Variants in CORO7 observed in about 807,000 individuals in gnomAD.
The protein encoded by CORO7 is coronin 7, also known as coronin-7.
CORO7 carries 107 observed loss-of-function variants against 126.6 expected under a neutral mutation model. That is an observed-to-expected ratio of 0.85 (90% confidence interval 0.72 to 0.99). The LOEUF (loss-of-function observed/expected upper bound fraction) is 0.99, where lower values mean the gene tolerates loss of function less well. Ranked by LOEUF, CORO7 falls within the 50% of genes least tolerant of loss-of-function variation. CORO7 has a pLI of 0.00. For synonymous variants in CORO7, 603 were observed against 536.8 expected, an observed-to-expected ratio of 1.12 and a Z score of -1.70; for missense variants, 1,314 against 1,255.8, an observed-to-expected ratio of 1.05 and a Z score of -0.70.
chr16:4,395,303 G>C lies in CORO7; in HGVS notation c.601C>G (p.Pro201Ala). ...QLRIFDPRTK[P>A]RASQSTQAHE... Reference sequence around the variant, plus strand: ...ACACAACTCACCTGAGAGGCCCGCGGCTTTGTTCTGGGGTCAAAGATCCGC... The same window carrying C: ...ACACAACTCACCTGAGAGGCCCGCGCCTTTGTTCTGGGGTCAAAGATCCGC... The change falls in exon 7 of 28, where the codon CCG becomes GCG. Residue 201 changes from proline to alanine, a missense_variant. Pro to Ala is a conservative substitution (Grantham distance 27). Coordinates refer to ENST00000251166, the MANE Select transcript of CORO7 (RefSeq NM_024535.5). The C allele has an allele frequency of 6.2e-7, 1 of 1,614,086 alleles. No homozygotes were observed. The highest frequency in any genetic ancestry group is 1.7e-4 in the Middle Eastern group (1 of 6,054).
chr16:4,390,626 G>A (rs1242253229), intron 7 of CORO7, among the ~76,000 whole-genome samples: 1 of 152,200 alleles, frequency 6.6e-6, no homozygotes, highest in Non-Finnish European at 1.5e-5. Flanking sequence ...GTCCCCCAGG[G>A]GCTGCCACTG....
chr16:4,383,286 G>C, intron 9 of CORO7: 1 of 236,304 alleles, frequency 4.2e-6, no homozygotes, highest in Non-Finnish European at 8.8e-6. Context: ...GAGGGAGAGC[G>C]GGTAGGCGGC....
chr16:4,414,049 T>C (rs1278196459), intron 1 of CORO7, among the ~76,000 whole-genome samples: 1 of 151,756 alleles, frequency 6.6e-6, no homozygotes, highest in Admixed American at 6.6e-5. Context: ...TATCCAGGCA[T>C]GGTGGCGGGC....
At chr16:4,388,219 G>A in intron 8 of CORO7, 151 bp from the exon 9 acceptor site, 3 of 993,322 alleles carry the variant, frequency 3.0e-6, no homozygotes, top group Middle Eastern at 3.2e-4. Flanking sequence ...TCACCCCAGG[G>A]AAAGAGAATC....
At chr16:4,355,670 CGT>C in intron 26 of CORO7, 1 of 332,818 alleles carries the variant, frequency 3.0e-6, no homozygotes. Flanking sequence ...GGGGTTTCAC[CGT>C]GTTAGCCAGG....
intron 3 of CORO7, among the ~76,000 whole-genome samples, chr16:4,410,445 C>T (rs1310693709): frequency 1.3e-5 from 2 of 152,144 alleles, no homozygotes; most frequent in Non-Finnish European, 2.9e-5. Flanking sequence ...CAAACCCAAA[C>T]ACAGGCTCCT....
chr16:4,394,245 A>T (rs1268158432), intron 7 of CORO7, among the ~76,000 whole-genome samples: 1 of 152,000 alleles, frequency 6.6e-6, no homozygotes, highest in Non-Finnish European at 1.5e-5. Flanking sequence ...GGAGATCGAG[A>T]CCATCCTGGC....
chr16:4,357,448 C>T, intron 25 of CORO7, 189 bp from the exon 26 acceptor site: 1 of 580,526 alleles, frequency 1.7e-6, no homozygotes, highest in Non-Finnish European at 2.8e-6. Context: ...ACCTCCGCCT[C>T]CTCTGGGTTC....
Position 4,360,261 on chromosome 16 carries a change from G to A in CORO7, c.2108+17C>T, listed in dbSNP as rs374334217. The A allele has an allele frequency of 7.3e-5, 118 of 1,613,212 alleles. No homozygotes were observed. Among genetic ancestry groups the A allele is most frequent in the Non-Finnish European group, 9.5e-5 (112 of 1,179,952 alleles). On this transcript the variant is annotated intron_variant, in intron 21 of 27. Transcript: ENST00000251166. ...GTGGCTTCTGAAGCCTGGGGATGGG[G>A]ATGCCTGAGTCCTCACCTGTCAAAG...
intron 9 of CORO7, among the ~76,000 whole-genome samples, chr16:4,386,449 G>T (rs2055197074): frequency 1.3e-5 from 2 of 152,186 alleles, no homozygotes; most frequent in South Asian, 4.1e-4. Context: ...CCTCCACTGG[G>T]GGCCCTGCAG....
In CORO7 at chr16:4,382,031, C is replaced by T. The variant is rs779931971; in HGVS notation, c.785+5955G>A. 41 of 1,597,214 alleles carry T rather than the reference C, an allele frequency of 2.6e-5. No homozygotes were observed. The highest frequency in any genetic ancestry group is 1.2e-4 in the African/African-American group (9 of 74,652). The stretch of plus-strand genomic sequence containing the variant: ...CCTACCTGGCTTAGCCCCACAGAGC[C>T]GGCCACTGAGGCCCCCAGCCCGCCC... On this transcript the variant is annotated intron_variant, in intron 9 of 27. Coordinates refer to ENST00000251166, the MANE Select transcript of CORO7 (RefSeq NM_024535.5).
rs780173935 is a variant in CORO7, at chr16:4,407,685, C to G, written c.304-1G>C. The G allele has an allele frequency of 6.3e-7, 1 of 1,583,302 alleles. No individual in the cohort carries two copies. Among genetic ancestry groups the G allele is most frequent in the South Asian group, 1.1e-5 (1 of 87,302 alleles). On this transcript the variant is annotated splice_acceptor_variant, in intron 4 of 27. Coordinates refer to ENST00000251166, the MANE Select transcript of CORO7 (RefSeq NM_024535.5). LOFTEE classifies it high-confidence loss of function. ...GCCCTGGCAGTCGCCAGAGTTTTAC[C>G]TGCAAGAAAGACCAAGTCCGTGAGC...
intron 1 of CORO7, 160 bp from the exon 2 acceptor site, chr16:4,413,564 G>T: frequency 1.6e-6 from 1 of 615,238 alleles, no homozygotes; most frequent in Non-Finnish European, 2.7e-6. Flanking sequence ...TTGAGACAGG[G>T]TCTCACTCTG....
chr16:4,405,341 A>T (rs2055957976), intron 6 of CORO7, 150 bp downstream of exon 6: 2 of 782,544 alleles, frequency 2.6e-6, no homozygotes, highest in Admixed American at 6.8e-5. Flanking sequence ...GGGTGTGAGG[A>T]GCAGCTAGGG....
chr16:4,366,776 C>T (rs1284539532), intron 9 of CORO7, among the ~76,000 whole-genome samples: 2 of 152,124 alleles, frequency 1.3e-5, no homozygotes, highest in African/African-American at 2.4e-5. Context: ...CTCCTGGCCT[C>T]AAGTGATACT....
chr16:4,364,373 G>A lies in CORO7; in HGVS notation c.1178C>T (p.Pro393Leu), dbSNP rs373776513. ...VSLNPACRPH[P>L]SFTSCLVPPA... ...GGGCACCAGACAGGAAGTGAAGCTCGGGTGGGGCCGGCAGGCGGGGTTGAG... is the reference window on the plus strand; with the variant it reads ...GGGCACCAGACAGGAAGTGAAGCTCAGGTGGGGCCGGCAGGCGGGGTTGAG... Residue 393 changes from proline (P) to leucine (L), a missense_variant, in exon 14 of 28, where the codon CCG (proline) becomes CTG (leucine). Physicochemically the swap from Pro to Leu is moderately conservative, Grantham distance 98. Coordinates refer to ENST00000251166, the MANE Select transcript of CORO7 (RefSeq NM_024535.5). The A allele has an allele frequency of 4.9e-5, 74 of 1,516,442 alleles. No individual in the cohort carries two copies. Among genetic ancestry groups the A allele is most frequent in the Admixed American group, 3.8e-4 (17 of 44,636 alleles). 93.9% of individuals were successfully genotyped at this position (1,516,442 alleles called of 1,614,324 possible).
chr16:4,376,490 ACTGT>A (rs2054736231), intron 9 of CORO7, among the ~76,000 whole-genome samples: 1 of 152,124 alleles, frequency 6.6e-6, no homozygotes. Flanking sequence ...CTGGCCTCAG[ACTGT>A]CTATCTGTCT....
At chr16:4,416,313 G>C (rs2056410210) in intron 1 of CORO7, 146 bp downstream of exon 1, 1 of 1,190,262 alleles carries the variant, frequency 8.4e-7, no homozygotes, top group African/African-American at 1.6e-5. Context: ...GGACGCCGGG[G>C]CCCTGGCCTG....
intron 9 of CORO7, 48 bp downstream of exon 9, chr16:4,387,938 G>A (rs193171680): frequency 4.6e-5 from 74 of 1,606,076 alleles, no homozygotes; most frequent in East Asian, 2.9e-4. Flanking sequence ...CACCTGCGGC[G>A]CCTTGGGTCA....
Sources: allele counts gnomAD v4.1 joint callset (sites outside exome capture counted in the v4.1 genomes callset), GRCh38; gene constraint gnomAD v4.1.1; transcripts MANE v1.5; gene names NCBI Gene and HGNC (gene_info 2026-07-23, HGNC 2026-07-21).